PLA2R1: variants seen among roughly 807,000 people sequenced by gnomAD.
PLA2R1 encodes the protein phospholipase A2 receptor 1.
PLA2R1 carries 158 observed loss-of-function variants against 195.9 expected under a neutral mutation model. The ratio of observed to expected loss-of-function variants is 0.81; its 90% CI spans 0.71 to 0.92. PLA2R1 has a LOEUF of 0.92. Ranked by LOEUF, PLA2R1 falls within the 40% of genes least tolerant of loss-of-function variation. PLA2R1 has a pLI of 0.00. For missense variants in PLA2R1, 1,626 were observed against 1,764.6 expected, an observed-to-expected ratio of 0.92 and a Z score of 1.41; for synonymous variants, 586 against 598.2, an observed-to-expected ratio of 0.98 and a Z score of 0.30.
Position 159,936,021 on chromosome 2 carries a change from G to A in PLA2R1, c.*5757C>T, listed in dbSNP as rs1428859688. On this transcript the variant is annotated 3_prime_UTR_variant, in exon 30 of 30. Coordinates refer to ENST00000283243, the MANE Select transcript of PLA2R1 (RefSeq NM_007366.5). Reference sequence around the variant, plus strand: ...GGCTGGAGTGCAGTGGCGCCATCTCGGCTCACTGTAAGCTCCGACTTCCAG... The same window carrying A: ...GGCTGGAGTGCAGTGGCGCCATCTCAGCTCACTGTAAGCTCCGACTTCCAG... 7.1e-6 allele frequency: 1 copy of A among 141,176 alleles called. No individual in the cohort carries two copies. The highest frequency in any genetic ancestry group is 1.5e-5 in the Non-Finnish European group (1 of 66,704). 8.7% of individuals were successfully genotyped at this position (141,176 alleles called of 1,614,324 possible).
At chr2:160,021,858 G>T (rs556514263) in intron 7 of PLA2R1, among the ~76,000 whole-genome samples, 2 of 152,278 alleles carry the variant, frequency 1.3e-5, no homozygotes, top group East Asian at 3.9e-4. Context: ...TGGAGTTGCT[G>T]CAAAAGTAAT....
At position 160,044,626 on chromosome 2, in the gene PLA2R1, C is replaced by A. The variant is rs1694747111; in HGVS notation, c.493+148G>T. On this transcript the variant is annotated intron_variant, in intron 2 of 29. Coordinates refer to ENST00000283243, the MANE Select transcript of PLA2R1 (RefSeq NM_007366.5). ...ACTCTCATAACCCTTTTACCATAAG[C>A]AAGGAAGCAACTAAAATGTATTTAG... 13 of 653,174 alleles carry A rather than the reference C, an allele frequency of 2.0e-5. No homozygotes were observed. In the East Asian group the frequency reaches 3.5e-4, roughly 17 times the overall value. The allele number at this position is 653,174 out of a possible 1,614,324, so 40.5% of individuals were successfully genotyped here.
chr2:159,955,152 G>T, intron 23 of PLA2R1, 47 bp downstream of exon 23: 19 of 1,470,008 alleles, frequency 1.3e-5, no homozygotes, highest in Non-Finnish European at 1.8e-5. Context: ...TGAAAGAGAA[G>T]GATGGACTTT....
In PLA2R1 at chr2:159,934,099, C is replaced by G. The variant is rs1248110120; in HGVS notation, c.*7679G>C. ...CAAGCATGTATCTTGATAATCACTACAGTCAAAGTTTCTTATAAATGTTGG... is the reference window on the plus strand; with the variant it reads ...CAAGCATGTATCTTGATAATCACTAGAGTCAAAGTTTCTTATAAATGTTGG... On this transcript the variant is annotated 3_prime_UTR_variant, in exon 30 of 30. Coordinates refer to ENST00000283243, the MANE Select transcript of PLA2R1 (RefSeq NM_007366.5). 1 of 152,138 alleles carries G rather than the reference C, an allele frequency of 6.6e-6. No individual in the cohort carries two copies. The highest frequency in any genetic ancestry group is 2.1e-4 in the South Asian group (1 of 4,822). 9.4% of individuals were successfully genotyped at this position (152,138 alleles called of 1,614,324 possible).
At chr2:160,051,066 C>CA (rs1262594142) in intron 1 of PLA2R1, among the ~76,000 whole-genome samples, 1 of 152,036 alleles carries the variant, frequency 6.6e-6, no homozygotes, top group East Asian at 1.9e-4. Context: ...GCATTTTTAA[C>CA]AAAAAACACT....
chr2:159,952,086 C>T (rs1172536463), intron 23 of PLA2R1, among the ~76,000 whole-genome samples: 1 of 152,148 alleles, frequency 6.6e-6, no homozygotes, highest in Admixed American at 6.5e-5. Context: ...TTAATGTTTG[C>T]ATGTATAAAT....
At chr2:159,992,977 G>C (rs1183075554) in intron 11 of PLA2R1, among the ~76,000 whole-genome samples, 2 of 152,092 alleles carry the variant, frequency 1.3e-5, no homozygotes, top group African/African-American at 4.8e-5. Flanking sequence ...AGGAGTGATT[G>C]AAAGTGTTTA....
intron 1 of PLA2R1, among the ~76,000 whole-genome samples, chr2:160,050,336 G>A (rs1695138650): frequency 6.6e-6 from 1 of 152,206 alleles, no homozygotes; most frequent in African/African-American, 2.4e-5. Flanking sequence ...AGTGCTGGAA[G>A]GAAGACGGGT....
Position 160,020,259 on chromosome 2 carries a change from A to G in PLA2R1, c.1299T>C (p.Asn433=), listed in dbSNP as rs2105464902. The G allele has an allele frequency of 1.9e-6, 3 of 1,607,382 alleles. No homozygotes were observed. Among genetic ancestry groups the G allele is most frequent in the South Asian group, 2.2e-5 (2 of 90,210 alleles). Residue 433 remains asparagine, a synonymous_variant, in exon 8 of 30, where the codon AAT becomes AAC. Transcript: ENST00000283243. ...TCAAACCAATCCATGTTTCTGATGC[A>G]TTTTCTGTAAGAGATAAATGTAAAT... is the stretch of plus-strand genomic sequence containing the variant. The part of the protein sequence containing the change: ...EFLVTLLGDE[N]ASETWIGLSS...
At chr2:159,966,076 A>G (rs1688769829) in intron 20 of PLA2R1, among the ~76,000 whole-genome samples, 1 of 152,214 alleles carries the variant, frequency 6.6e-6, no homozygotes, top group Non-Finnish European at 1.5e-5. Flanking sequence ...GTAATTCTAT[A>G]TATTTTTAAA....
intron 14 of PLA2R1, among the ~76,000 whole-genome samples, chr2:159,979,395 C>T (rs78579024): frequency 0.019 from 2,876 of 152,148 alleles, 46 homozygotes; most frequent in Non-Finnish European, 0.026. Context: ...GCATTACTGT[C>T]CTTTCAGAGT....
At chr2:160,036,250 ATAG>A (rs1694158809) in intron 3 of PLA2R1, among the ~76,000 whole-genome samples, 1 of 152,208 alleles carries the variant, frequency 6.6e-6, no homozygotes, top group Non-Finnish European at 1.5e-5. Context: ...GCAAACCTGA[ATAG>A]TATTTAATTT....
At chr2:160,043,492 G>A (rs1309695898) in intron 2 of PLA2R1, among the ~76,000 whole-genome samples, 2 of 152,182 alleles carry the variant, frequency 1.3e-5, no homozygotes, top group African/African-American at 4.8e-5. Context: ...GCAGTGGAGA[G>A]CCCCACCTCT....
intron 11 of PLA2R1, 35 bp from the exon 12 acceptor site, chr2:159,987,393 C>A (rs369875950): frequency 1.4e-6 from 2 of 1,477,552 alleles, no homozygotes; most frequent in Non-Finnish European, 1.9e-6. Flanking sequence ...TAATACCAGA[C>A]GACTAAAACG....
In PLA2R1 at chr2:159,944,968, T is replaced by C. The variant is rs749264721; in HGVS notation, c.4082A>G (p.Glu1361Gly). 6.2e-7 allele frequency: 1 copy of C among 1,613,700 alleles called. No individual in the cohort carries two copies. The highest frequency in any genetic ancestry group is 1.1e-5 in the South Asian group (1 of 91,062). ...ACACGGGGATAGCTGCCATAATCCT[T>C]CAGGGATCCTCAAGGCAACACAATG... The part of the protein sequence containing the change: ...PHHCVALRIP[E>G]GLWQLSPCQE... Residue 1361 changes from glutamate to glycine, a missense_variant, in exon 28 of 30, where the codon GAA becomes GGA. Transcript: ENST00000283243.
At position 159,942,137 on chromosome 2, in the gene PLA2R1, C is replaced by T. The variant is rs763777434; in HGVS notation, c.4167G>A (p.Leu1389=). The stretch of plus-strand genomic sequence containing the variant: ...TGGTTTCAAACGTACCTTTTTCTGG[C>T]AGCGCCTCTGCAGTGTGAATATCTA... ...MEADIHTAEA[L]PEKGPSHSII... Residue 1389 remains leucine, a synonymous_variant, in exon 29 of 30, where the codon CTG becomes CTA. Coordinates refer to ENST00000283243, the MANE Select transcript of PLA2R1 (RefSeq NM_007366.5). The T allele has an allele frequency of 3.1e-6, 5 of 1,610,956 alleles. No individual in the cohort carries two copies. Among genetic ancestry groups the T allele is most frequent in the East Asian group, 2.2e-5 (1 of 44,876 alleles).
chr2:159,984,779 A>G (rs1690209313), intron 12 of PLA2R1, among the ~76,000 whole-genome samples: 1 of 152,116 alleles, frequency 6.6e-6, no homozygotes, highest in African/African-American at 2.4e-5. Context: ...GAAGACCCAG[A>G]GCTTGCAATC....
downstream of PLA2R1, among the ~76,000 whole-genome samples, chr2:159,929,987 A>G (rs1482564554): frequency 6.6e-6 from 1 of 152,152 alleles, no homozygotes. Context: ...TCAGGAATGG[A>G]AAACCAAACG....
At chr2:159,928,939 G>A (rs1686535223), downstream of PLA2R1, among the ~76,000 whole-genome samples, 3 of 152,180 alleles carry the variant, frequency 2.0e-5, no homozygotes. Context: ...AGGGATAATT[G>A]GCAAGCCACA....
Sources: allele counts gnomAD v4.1 joint callset (sites outside exome capture counted in the v4.1 genomes callset), GRCh38; gene constraint gnomAD v4.1.1; transcripts MANE v1.5; gene names NCBI Gene and HGNC (gene_info 2026-07-23, HGNC 2026-07-21).